DSE: variants seen among roughly 807,000 people sequenced by gnomAD.
DSE encodes the protein dermatan sulfate epimerase.
In DSE, 36 loss-of-function variants were observed where a neutral mutation model predicts 84.4. The ratio of observed to expected loss-of-function variants is 0.43; its 90% CI spans 0.33 to 0.56. The LOEUF is 0.56. DSE is among the 20% of genes least tolerant of loss of function. The pLI, the probability that DSE is intolerant of heterozygous loss-of-function variation, is 0.06. For synonymous variants in DSE, 410 were observed against 430.1 expected (o/e 0.95, Z 0.58); for missense variants, 862 against 1,169.6 (o/e 0.74, Z 3.84).
chr6:116,310,082 T>G (rs891885672), intron 2 of DSE, among the ~76,000 whole-genome samples: 4 of 152,204 alleles, frequency 2.6e-5, no homozygotes, highest in African/African-American at 9.6e-5. Flanking sequence ...ATATATAATC[T>G]TATTTAATCC....
intron 2 of DSE, among the ~76,000 whole-genome samples, chr6:116,303,192 C>A (rs1775141359): frequency 6.6e-6 from 1 of 151,928 alleles, no homozygotes; most frequent in Non-Finnish European, 1.5e-5. Flanking sequence ...TTACCTCCAC[C>A]CCTCCCCTCA....
chr6:116,400,694 T>C (rs1325934980), intron 2 of DSE: 1 of 152,224 alleles, frequency 6.6e-6, no homozygotes, highest in Non-Finnish European at 1.5e-5. Context: ...GTAGTCATTT[T>C]GAAGTTTATA....
intron 2 of DSE, among the ~76,000 whole-genome samples, chr6:116,282,589 GTA>G (rs1325855661): frequency 1.3e-5 from 2 of 152,100 alleles, no homozygotes; most frequent in African/African-American, 4.8e-5. Context: ...TGTCGAACAT[GTA>G]TAAAGCTGTG....
At chr6:116,307,137 A>G (rs1037120658) in intron 2 of DSE, among the ~76,000 whole-genome samples, 1 of 152,164 alleles carries the variant, frequency 6.6e-6, no homozygotes, top group Non-Finnish European at 1.5e-5. Context: ...AGTCCTGAGG[A>G]CAGCAGCTAT....
At chr6:116,258,762 G>A in exon 2 of DSE, 1 of 1,609,648 alleles carries the variant, frequency 6.2e-7, no homozygotes, top group African/African-American at 1.3e-5. Context: ...GGGGACCACT[G>A]TTGATGATGG....
At chr6:116,417,671 T>C (rs1184715152) in intron 2 of DSE, among the ~76,000 whole-genome samples, 2 of 152,208 alleles carry the variant, frequency 1.3e-5, no homozygotes, top group African/African-American at 2.4e-5. Context: ...GGAAATAGTT[T>C]TTTACATTTC....
chr6:116,428,309 G>A (rs1235066317), intron 3 of DSE, among the ~76,000 whole-genome samples: 1 of 152,148 alleles, frequency 6.6e-6, no homozygotes, highest in Non-Finnish European at 1.5e-5. Context: ...ACACCATCAT[G>A]AAATGGTGAA....
Position 116,295,229 on chromosome 6 carries a change from A to G in DSE, c.-54+36262A>G, listed in dbSNP as rs560574334. On this transcript the variant is annotated intron_variant, in intron 2 of 3. Coordinates refer to the DSE transcript ENST00000430252. ...GGGAGAGGAGAAGATGGGAGGAGAT[A>G]GGTTCAGGGAACAGCCTAGGCAAAG... 5.1e-4 allele frequency among the ~76,000 whole-genome samples: 77 copies of G among 152,226 alleles called. 1 individual carries two copies. Among genetic ancestry groups the G allele is most frequent in the African/African-American group, 1.8e-3 (76 of 41,552 alleles).
At chr6:116,254,216 C>G (rs1353955117) in exon 1 of DSE, 1 of 707,302 alleles carries the variant, frequency 1.4e-6, no homozygotes, top group Non-Finnish European at 2.5e-6. Flanking sequence ...ATTCCTTTGT[C>G]TTCTTGTCAC....
chr6:116,432,313 A>G (rs149885299), intron 4 of DSE, among the ~76,000 whole-genome samples: 2 of 152,334 alleles, frequency 1.3e-5, no homozygotes, highest in African/African-American at 4.8e-5. Flanking sequence ...CAGTATGAAC[A>G]TGTCTAAGAG....
intron 2 of DSE, among the ~76,000 whole-genome samples, chr6:116,325,254 A>G (rs1352405808): frequency 6.6e-6 from 1 of 152,074 alleles, no homozygotes. Context: ...AAGTCCCAAG[A>G]CCTCACTTTC....
chr6:116,400,246 A>G (rs3798416), intron 2 of DSE: 107,630 of 152,056 alleles, frequency 0.71, 38,474 homozygotes, highest in Admixed American at 0.77. Flanking sequence ...AGATTTGAGA[A>G]CAAATTCCTG....
At chr6:116,426,490 A>G in intron 2 of DSE, 84 bp from the exon 3 acceptor site, 1 of 1,533,566 alleles carries the variant, frequency 6.5e-7, no homozygotes, top group Non-Finnish European at 8.8e-7. Context: ...TGTGCCCTTT[A>G]GTTCTGAGAA....
upstream of DSE, chr6:116,366,805 T>G (rs1779188253): frequency 6.6e-6 from 1 of 152,226 alleles, no homozygotes; most frequent in Non-Finnish European, 1.5e-5. Flanking sequence ...CACTTTAACT[T>G]TCAGAGCCTC....
intron 2 of DSE, among the ~76,000 whole-genome samples, chr6:116,301,710 C>T (rs889841977): frequency 3.3e-5 from 5 of 152,068 alleles, no homozygotes; most frequent in Non-Finnish European, 4.4e-5. Context: ...TAGGTATACA[C>T]ATGCCATGGT....
intron 2 of DSE, among the ~76,000 whole-genome samples, chr6:116,342,757 A>G (rs113139913): frequency 0.052 from 7,927 of 152,290 alleles, 677 homozygotes; most frequent in African/African-American, 0.18. Flanking sequence ...TGCAGAAGAC[A>G]GGTGATTCCT....
intron 2 of DSE, among the ~76,000 whole-genome samples, chr6:116,288,934 G>T (rs559189016): frequency 6.6e-5 from 10 of 152,002 alleles, no homozygotes; most frequent in Non-Finnish European, 1.5e-4. Context: ...CAGCATTTTT[G>T]AGCAAAAATT....
chr6:116,390,927 T>G (rs1299878431), intron 1 of DSE, among the ~76,000 whole-genome samples: 1 of 152,196 alleles, frequency 6.6e-6, no homozygotes, highest in Non-Finnish European at 1.5e-5. Context: ...ATACTAATGG[T>G]TTGTAGTTTA....
intron 2 of DSE, among the ~76,000 whole-genome samples, chr6:116,263,116 T>C (rs1303504082): frequency 1.3e-5 from 2 of 152,352 alleles, no homozygotes; most frequent in South Asian, 2.1e-4. Flanking sequence ...GTTCTGTAGA[T>C]GTCTATCAGG....
Sources: gnomAD v4.1 joint callset for allele counts (sites outside exome capture counted in the v4.1 genomes callset) on GRCh38, gnomAD v4.1.1 for gene constraint, MANE v1.5 for transcripts, NCBI Gene and HGNC (gene_info 2026-07-23, HGNC 2026-07-21) for gene names.